Variants in DDX46 observed in about 807,000 individuals in gnomAD.
DDX46 encodes probable ATP-dependent RNA helicase DDX46.
In DDX46, 30 loss-of-function variants were observed where a neutral mutation model predicts 134.9. That is an observed-to-expected ratio of 0.22 (90% CI 0.17 to 0.30). The LOEUF is 0.30. Among genes scored for constraint, DDX46 ranks in the 10% least tolerant of loss-of-function variants. DDX46 has a pLI of 1.00. For missense variants in DDX46, 622 were observed against 1,248.7 expected, an observed-to-expected ratio of 0.50 and a Z score of 7.56; for synonymous variants, 415 against 404.1, an observed-to-expected ratio of 1.03 and a Z score of -0.32.
In DDX46 at chr5:134,776,789, T is replaced by G. The variant is rs892102880; in HGVS notation, c.614-785T>G. Among the ~76,000 whole-genome samples, 9 of 151,800 alleles carry G rather than the reference T, an allele frequency of 5.9e-5. 1 individual carries two copies. Among genetic ancestry groups the G allele is most frequent in the East Asian group, 3.9e-4 (2 of 5,146 alleles). On this transcript the variant is annotated intron_variant, in intron 5 of 22. Transcript: ENST00000452510. ...TTAGCTGAGTATGGTGGCGCACGCC[T>G]GTAATCCCAGCTACTCAGGAGGCTG...
intron 2 of DDX46, among the ~76,000 whole-genome samples, chr5:134,765,655 C>T (rs2150129504): frequency 6.6e-6 from 1 of 152,268 alleles, no homozygotes; most frequent in South Asian, 2.1e-4. Context: ...CTAGTGGCCT[C>T]CCAAAGGGTT....
chr5:134,783,877 G>A (rs1235372676), intron 9 of DDX46, among the ~76,000 whole-genome samples: 1 of 148,746 alleles, frequency 6.7e-6, no homozygotes, highest in Non-Finnish European at 1.5e-5. Context: ...AAGAGATGGG[G>A]TGTCGCTATG....
chr5:134,774,795 C>G (rs777505890), intron 5 of DDX46, among the ~76,000 whole-genome samples: 30 of 152,102 alleles, frequency 2.0e-4, no homozygotes, highest in Non-Finnish European at 3.8e-4. Context: ...GTCCTGGGCT[C>G]AAGTGATTTT....
At chr5:134,803,284 G>A (rs926592554) in intron 15 of DDX46, among the ~76,000 whole-genome samples, 9 of 152,012 alleles carry the variant, frequency 5.9e-5, no homozygotes, top group Non-Finnish European at 1.5e-5. Context: ...CTGAGCCACC[G>A]AGCCTAGCCC....
At chr5:134,780,331 T>C (rs1396432206) in intron 6 of DDX46, among the ~76,000 whole-genome samples, 1 of 150,444 alleles carries the variant, frequency 6.6e-6, no homozygotes, top group African/African-American at 2.4e-5. Context: ...TTGCAGGGGC[T>C]GAGGTGGGTG....
chr5:134,801,292 T>G (rs190293992), intron 15 of DDX46, among the ~76,000 whole-genome samples: 31 of 152,220 alleles, frequency 2.0e-4, no homozygotes, highest in Admixed American at 9.2e-4. Context: ...AAAAAAAGTT[T>G]GTAATGGAAT....
intron 18 of DDX46, among the ~76,000 whole-genome samples, chr5:134,812,659 G>A (rs1027025066): frequency 2.6e-5 from 4 of 151,962 alleles, no homozygotes; most frequent in East Asian, 1.9e-4. Flanking sequence ...AATTAGCCGG[G>A]CGTGTCTTGC....
chr5:134,810,741 C>T (rs1391260038), intron 16 of DDX46, among the ~76,000 whole-genome samples: 2 of 151,480 alleles, frequency 1.3e-5, no homozygotes, highest in East Asian at 2.0e-4. Context: ...CACAGTGGCT[C>T]GTGCCTGTAA....
At chr5:134,792,880 C>T (rs142126479) in intron 13 of DDX46, among the ~76,000 whole-genome samples, 24 of 152,158 alleles carry the variant, frequency 1.6e-4, no homozygotes, top group East Asian at 1.5e-3. Context: ...GGAGGCTTGG[C>T]GTGGTGATGT....
At chr5:134,819,161 A>G (rs1755372381) in intron 21 of DDX46, among the ~76,000 whole-genome samples, 157 bp downstream of exon 21, 1 of 152,232 alleles carries the variant, frequency 6.6e-6, no homozygotes. Context: ...CTTTATATAT[A>G]AGAATTTCAG....
chr5:134,781,817 A>G, intron 7 of DDX46, 104 bp from the exon 8 acceptor site: 1 of 1,087,090 alleles, frequency 9.2e-7, no homozygotes, highest in Non-Finnish European at 1.3e-6. Flanking sequence ...AAAATATTAG[A>G]GTAGTTTCTA....
At chr5:134,780,292 G>GCTGAC (rs1754104130) in intron 6 of DDX46, among the ~76,000 whole-genome samples, 1 of 150,236 alleles carries the variant, frequency 6.7e-6, no homozygotes, top group East Asian at 1.9e-4. Flanking sequence ...GGCTGGGTGT[G>GCTGAC]CTGACTCACG....
intron 15 of DDX46, among the ~76,000 whole-genome samples, chr5:134,805,968 C>T (rs1354888059): frequency 6.6e-6 from 1 of 152,016 alleles, no homozygotes; most frequent in Non-Finnish European, 1.5e-5. Context: ...CCTGTAATTT[C>T]AGCACTTTGG....
At chr5:134,792,908 A>G (rs1754545465) in intron 13 of DDX46, among the ~76,000 whole-genome samples, 1 of 152,200 alleles carries the variant, frequency 6.6e-6, no homozygotes, top group Non-Finnish European at 1.5e-5. Context: ...GGATCTCTGC[A>G]CTTTGGGAGG....
At chr5:134,807,701 G>A in intron 15 of DDX46, 47 bp from the exon 16 acceptor site, 1 of 1,532,568 alleles carries the variant, frequency 6.5e-7, no homozygotes, top group African/African-American at 1.4e-5. Context: ...AGAAGACATG[G>A]AAAATTTAAT....
chr5:134,822,894 A>C (rs1408317181), intron 21 of DDX46, among the ~76,000 whole-genome samples: 1 of 152,082 alleles, frequency 6.6e-6, no homozygotes, highest in African/African-American at 2.4e-5. Flanking sequence ...GTACATCTTC[A>C]TACATTCTGT....
chr5:134,766,774 A>G (rs1214186759), intron 2 of DDX46, 143 bp from the exon 3 acceptor site: 5 of 983,852 alleles, frequency 5.1e-6, no homozygotes, highest in Non-Finnish European at 7.2e-6. Context: ...TTGAGCACTT[A>G]TAAGACTTGG....
At chr5:134,806,979 A>T (rs1471246091) in intron 15 of DDX46, among the ~76,000 whole-genome samples, 1 of 151,990 alleles carries the variant, frequency 6.6e-6, no homozygotes, top group Non-Finnish European at 1.5e-5. Flanking sequence ...TTTGCATATG[A>T]TAATCACCTA....
chr5:134,796,040 A>T lies in DDX46; in HGVS notation c.1844A>T (p.His615Leu). The part of the protein sequence containing the change: ...KFLKLLELLG[H>L]YQESGSVIIF... ...TTGAAGTTACTTGAGCTTCTAGGCCATTATCAAGAGTCAGGATCTGTCATT... is the reference window on the plus strand; with the variant it reads ...TTGAAGTTACTTGAGCTTCTAGGCCTTTATCAAGAGTCAGGATCTGTCATT... Residue 615 changes from histidine (H) to leucine (L), a missense_variant, in exon 15 of 23, where the codon CAT (histidine) becomes CTT (leucine). Transcript: ENST00000452510. 1 of 1,613,912 alleles carries T rather than the reference A, an allele frequency of 6.2e-7. No individual in the cohort carries two copies. The highest frequency in any genetic ancestry group is 1.7e-4 in the Middle Eastern group (1 of 6,058).
Sources: allele counts gnomAD v4.1 joint callset (sites outside exome capture counted in the v4.1 genomes callset), GRCh38; gene constraint gnomAD v4.1.1; transcripts MANE v1.5; gene names NCBI Gene and HGNC (gene_info 2026-07-23, HGNC 2026-07-21).